RPS6KB1: variants seen among roughly 807,000 people sequenced by gnomAD.
RPS6KB1 encodes ribosomal protein S6 kinase B1.
In RPS6KB1, 12 loss-of-function variants were observed where a neutral mutation model predicts 70.2. The observed-to-expected ratio is 0.17, with a 90% CI of 0.11 to 0.28. The LOEUF (loss-of-function observed/expected upper bound fraction) is 0.28, where lower values mean the gene tolerates loss of function less well. Among genes scored for constraint, RPS6KB1 ranks in the 10% least tolerant of loss-of-function variants. The pLI is 1.00. For synonymous variants in RPS6KB1, 175 were observed against 211.2 expected, an observed-to-expected ratio of 0.83 and a Z score of 1.49; for missense variants, 270 against 646.6, an observed-to-expected ratio of 0.42 and a Z score of 6.32.
chr17:59,914,069 T>C (rs1369979306), intron 3 of RPS6KB1, among the ~76,000 whole-genome samples: 1 of 152,158 alleles, frequency 6.6e-6, no homozygotes, highest in East Asian at 1.9e-4. Context: ...CATTCTGCGG[T>C]TGGTTGAATC....
At chr17:59,901,104 T>C (rs1329386498) in intron 1 of RPS6KB1, among the ~76,000 whole-genome samples, 1 of 151,386 alleles carries the variant, frequency 6.6e-6, no homozygotes, top group Non-Finnish European at 1.5e-5. Context: ...GAGTTTCCCA[T>C]GAGCCGAGAT....
intron 1 of RPS6KB1, among the ~76,000 whole-genome samples, chr17:59,908,920 A>AT (rs1405952501): frequency 0.038 from 3,855 of 101,646 alleles, 261 homozygotes; most frequent in African/African-American, 0.12. Flanking sequence ...GCCCGGCCAA[A>AT]TTTTTTTTTT....
rs1466840811 is a variant in RPS6KB1, at chr17:59,912,679, C to T, written c.192-5C>T. 6.2e-7 allele frequency: 1 copy of T among 1,608,880 alleles called. No individual in the cohort carries two copies. The highest frequency in any genetic ancestry group is 1.3e-5 in the African/African-American group (1 of 74,796). On this transcript the variant is annotated splice_polypyrimidine_tract_variant and splice_region_variant and intron_variant, in intron 2 of 14. Coordinates refer to ENST00000225577, the MANE Select transcript of RPS6KB1 (RefSeq NM_003161.4). ...ATTTATTTTTGGTTTTGCTTTTCTT[C>T]CCAGTGGCATGGAACATTGTGAGAA... is the stretch of plus-strand genomic sequence containing the variant.
chr17:59,931,718 C>G lies in RPS6KB1; in HGVS notation c.684C>G (p.His228Gln). 1 of 1,599,364 alleles carries G rather than the reference C, an allele frequency of 6.3e-7. No homozygotes were observed. The highest frequency in any genetic ancestry group is 1.1e-5 in the South Asian group (1 of 90,754). The change falls in exon 7 of 15, where the codon CAC (histidine) becomes CAG (glutamine). Residue 228 changes from histidine to glutamine, a missense_variant. His to Gln is a conservative substitution (Grantham distance 24). This residue lies in a region of RPS6KB1 where 21 missense variants were observed against 135.9 expected (regional missense o/e 0.15). Coordinates refer to ENST00000225577, the MANE Select transcript of RPS6KB1 (RefSeq NM_003161.4). ...DLKPENIMLNHQGHVKLTDFG... is the reference protein window; with the variant it reads ...DLKPENIMLNQQGHVKLTDFG... ...AGCCGGAGAATATCATGCTTAATCA[C>G]CAAGGTGGAGACATACCGTAAACAA...
intron 6 of RPS6KB1, 197 bp downstream of exon 6, chr17:59,930,371 G>A (rs1034605838): frequency 7.7e-5 from 43 of 561,944 alleles, no homozygotes; most frequent in Non-Finnish European, 7.1e-5. Context: ...TGAGTGGAAC[G>A]CTCTTCACAC....
At chr17:59,943,124 T>C (rs1245309734) in intron 13 of RPS6KB1, among the ~76,000 whole-genome samples, 2 of 152,212 alleles carry the variant, frequency 1.3e-5, no homozygotes, top group Admixed American at 1.3e-4. Context: ...AATATAGTCT[T>C]ACAGTATTAC....
At position 59,947,375 on chromosome 17, in the gene RPS6KB1, C is replaced by A. The variant is rs537302041; in HGVS notation, c.*587C>A. On this transcript the variant is annotated 3_prime_UTR_variant, in exon 15 of 15. Coordinates refer to ENST00000225577, the MANE Select transcript of RPS6KB1 (RefSeq NM_003161.4). ...GAAAAACATCCCAAACTTTAAAATG[C>A]GAAATTATTGGTTGGTGTGAAGAAA... The A allele has an allele frequency of 1.6e-5, 19 of 1,215,640 alleles. No homozygotes were observed. The African/African-American group carries it at 2.5e-4, about 16-fold the overall frequency. 75.3% of individuals were successfully genotyped at this position (1,215,640 alleles called of 1,614,324 possible). A position where few individuals can be genotyped will look rare whatever the true frequency, so the allele number is the denominator to read the frequency against.
chr17:59,935,932 C>G (rs1186052087), intron 10 of RPS6KB1, among the ~76,000 whole-genome samples: 1 of 152,002 alleles, frequency 6.6e-6, no homozygotes, highest in Non-Finnish European at 1.5e-5. Context: ...CTGCCTCAGT[C>G]TCCCTAGTAG....
intron 4 of RPS6KB1, among the ~76,000 whole-genome samples, chr17:59,918,528 C>G (rs556834283): frequency 6.6e-6 from 1 of 151,908 alleles, no homozygotes; most frequent in Non-Finnish European, 1.5e-5. Context: ...CGCTACCACA[C>G]CTGGCTAATT....
At position 59,926,515 on chromosome 17, in the gene RPS6KB1, C is replaced by T. The variant is rs1198785001; in HGVS notation, c.462C>T (p.Phe154=). The change falls in exon 5 of 15, where the codon TTC becomes TTT. Residue 154 remains phenylalanine (F), a synonymous_variant. Transcript: ENST00000225577. ...RNILEEVKHP[F]IVDLIYAFQT... Reference sequence around the variant, plus strand: ...TTCTGGAGGAAGTAAAGCATCCCTTCATCGTGGATTTAATTTATGCCTTTC... The same window carrying T: ...TTCTGGAGGAAGTAAAGCATCCCTTTATCGTGGATTTAATTTATGCCTTTC... The T allele has an allele frequency of 6.2e-7, 1 of 1,611,834 alleles. No individual in the cohort carries two copies. Among genetic ancestry groups the T allele is most frequent in the Admixed American group, 1.7e-5 (1 of 59,994 alleles).
chr17:59,927,927 A>G (rs1167517422), intron 5 of RPS6KB1, among the ~76,000 whole-genome samples: 2 of 151,290 alleles, frequency 1.3e-5, no homozygotes, highest in Non-Finnish European at 2.9e-5. Context: ...TGGGAGGCCA[A>G]GGTGGGCGGA....
At chr17:59,920,092 T>A (rs2043182820) in intron 4 of RPS6KB1, among the ~76,000 whole-genome samples, 1 of 148,664 alleles carries the variant, frequency 6.7e-6, no homozygotes, top group Admixed American at 6.8e-5. Flanking sequence ...AAGATTCCAC[T>A]GTCTTTTTTT....
At chr17:59,894,017 C>T in intron 1 of RPS6KB1, 7 of 825,240 alleles carry the variant, frequency 8.5e-6, no homozygotes, top group Non-Finnish European at 1.0e-5. Flanking sequence ...AACCTTTCCC[C>T]AAGTTGAAGA....
chr17:59,920,662 G>A (rs2043213367), intron 4 of RPS6KB1, among the ~76,000 whole-genome samples: 1 of 152,200 alleles, frequency 6.6e-6, no homozygotes. Flanking sequence ...CAGCATAATA[G>A]TGCTTGTCCC....
chr17:59,942,293 A>G (rs1276138273), intron 13 of RPS6KB1, among the ~76,000 whole-genome samples: 3 of 152,212 alleles, frequency 2.0e-5, no homozygotes, highest in Non-Finnish European at 2.9e-5. Context: ...ACATCAAAAC[A>G]TATTGGTTCA....
chr17:59,896,873 T>G (rs971889430), intron 1 of RPS6KB1, among the ~76,000 whole-genome samples: 2 of 151,656 alleles, frequency 1.3e-5, no homozygotes, highest in African/African-American at 4.9e-5. Context: ...ACGATTGGGT[T>G]GACAATCCAA....
At chr17:59,894,649 G>T (rs985294038) in intron 1 of RPS6KB1, among the ~76,000 whole-genome samples, 1 of 152,202 alleles carries the variant, frequency 6.6e-6, no homozygotes, top group African/African-American at 2.4e-5. Context: ...CTATCACCCA[G>T]ACTGGAGTGC....
Position 59,947,024 on chromosome 17 carries a change from TC to T in RPS6KB1, c.*237del. The T allele has an allele frequency of 7.4e-7, 1 of 1,348,326 alleles. No individual in the cohort carries two copies. The highest frequency in any genetic ancestry group is 9.6e-7 in the Non-Finnish European group (1 of 1,046,476). 83.5% of individuals were successfully genotyped at this position (1,348,326 alleles called of 1,614,324 possible). A position where few individuals can be genotyped will look rare whatever the true frequency, so the allele number is the denominator to read the frequency against. Reference sequence around the variant, plus strand: ...TTAGGCACATCAATTAATTGATTCCTCGCGACATCTTCTCAACCTTATCAAG... The same window carrying T: ...TTAGGCACATCAATTAATTGATTCCTGCGACATCTTCTCAACCTTATCAAG... On this transcript the variant is annotated 3_prime_UTR_variant, in exon 15 of 15. Transcript: ENST00000225577.
intron 14 of RPS6KB1, 132 bp downstream of exon 14, chr17:59,945,650 CTA>C (rs2044878746): frequency 3.3e-6 from 2 of 607,472 alleles, no homozygotes; most frequent in Non-Finnish European, 6.0e-6. Flanking sequence ...AGCACAGCAT[CTA>C]TATCTTACAT....
Sources: gnomAD v4.1 joint callset for allele counts (sites outside exome capture counted in the v4.1 genomes callset) on GRCh38, gnomAD v4.1.1 for gene constraint, gnomAD v4.1.1 regional missense constraint, MANE v1.5 for transcripts, NCBI Gene and HGNC (gene_info 2026-07-23, HGNC 2026-07-21) for gene names.